OR4F15: variants seen among roughly 807,000 people sequenced by gnomAD.
OR4F15 encodes olfactory receptor 4F15.
A neutral mutation model predicts 11.9 loss-of-function variants in OR4F15; 7 were observed. That is an observed-to-expected ratio of 0.59 (90% CI 0.33 to 1.10). The LOEUF (loss-of-function observed/expected upper bound fraction) is 1.10, where lower values mean the gene tolerates loss of function less well. Ranked by LOEUF, OR4F15 falls within the 50% of genes least tolerant of loss-of-function variation. OR4F15 has a pLI of 0.03. For missense variants in OR4F15, 445 were observed against 377.5 expected (o/e 1.18, Z -1.48); for synonymous variants, 151 against 134.6 (o/e 1.12, Z -0.84).
At chr15:101,816,557 C>T (rs550956351) in intron 1 of OR4F15, among the ~76,000 whole-genome samples, 1 of 152,008 alleles carries the variant, frequency 6.6e-6, no homozygotes, top group East Asian at 1.9e-4. Flanking sequence ...CAATAGTAAA[C>T]TAATGTAACA....
At position 101,818,437 on chromosome 15, in the gene OR4F15, A is replaced by T; in HGVS notation, c.251A>T (p.Asp84Val). The change falls in exon 2 of 2, where the codon GAT becomes GTT. Residue 84 changes from aspartate (D) to valine (V), a missense_variant. Physicochemically the swap from Asp to Val is radical, Grantham distance 152. Coordinates refer to ENST00000332238, the MANE Select transcript of OR4F15 (RefSeq NM_001001674.2). ...ATTACAGCCCCTAAGATGATTTGTGATATTTTCAAGAAGCACAAGGCCATC... is the reference window on the plus strand; with the variant it reads ...ATTACAGCCCCTAAGATGATTTGTGTTATTTTCAAGAAGCACAAGGCCATC... ...CSITAPKMICDIFKKHKAISF... is the reference protein window; with the variant it reads ...CSITAPKMICVIFKKHKAISF... 6.2e-7 allele frequency: 1 copy of T among 1,614,098 alleles called. No individual in the cohort carries two copies. Among genetic ancestry groups the T allele is most frequent in the Non-Finnish European group, 8.5e-7 (1 of 1,179,996 alleles).
At chr15:101,818,047 T>C (rs1302985243) in intron 1 of OR4F15, 103 bp from the exon 2 acceptor site, 6 of 651,972 alleles carry the variant, frequency 9.2e-6, no homozygotes, top group Non-Finnish European at 1.6e-5. Flanking sequence ...TATTTGGCTG[T>C]GTAAGATGTT....
chr15:101,814,276 T>C (rs1370625633), intron 1 of OR4F15, among the ~76,000 whole-genome samples: 1 of 152,180 alleles, frequency 6.6e-6, no homozygotes, highest in African/African-American at 2.4e-5. Context: ...TATTACTCTG[T>C]CTCCTGAAGC....
chr15:101,818,982 C>G lies in OR4F15; in HGVS notation c.796C>G (p.His266Asp). The change falls in exon 2 of 2, where the codon CAC (histidine) becomes GAC (aspartate). Residue 266 changes from histidine (H) to aspartate (D), a missense_variant. Coordinates refer to ENST00000332238, the MANE Select transcript of OR4F15 (RefSeq NM_001001674.2). Reference sequence around the variant, plus strand: ...CTACACATGGCCTTCTCCCACATCACACCTGGATAAATATCTTGCTATTTT... The same window carrying G: ...CTACACATGGCCTTCTCCCACATCAGACCTGGATAAATATCTTGCTATTTT... Reference protein sequence around the residue: ...FFYTWPSPTSHLDKYLAIFDA... With the variant: ...FFYTWPSPTSDLDKYLAIFDA... 6.2e-7 allele frequency: 1 copy of G among 1,614,166 alleles called. No homozygotes were observed. The highest frequency in any genetic ancestry group is 1.6e-4 in the Middle Eastern group (1 of 6,062).
intron 1 of OR4F15, among the ~76,000 whole-genome samples, chr15:101,813,890 A>G (rs946401779): frequency 6.6e-6 from 1 of 152,172 alleles, no homozygotes. Flanking sequence ...AATTATTGAG[A>G]GCAATAGCCA....
Position 101,818,451 on chromosome 15 carries a change from C to A in OR4F15, c.265C>A (p.His89Asn). 6.2e-7 allele frequency: 1 copy of A among 1,614,084 alleles called. No individual in the cohort carries two copies. Among genetic ancestry groups the A allele is most frequent in the African/African-American group, 1.3e-5 (1 of 75,028 alleles). ...GATGATTTGTGATATTTTCAAGAAG[C>A]ACAAGGCCATCTCCTTTCGGGGATG... ...PKMICDIFKK[H>N]KAISFRGCIT... Residue 89 changes from histidine to asparagine, a missense_variant, in exon 2 of 2, where the codon CAC (histidine) becomes AAC (asparagine). Physicochemically the swap from His to Asn is moderately conservative, Grantham distance 68. Coordinates refer to ENST00000332238, the MANE Select transcript of OR4F15 (RefSeq NM_001001674.2).
Position 101,818,691 on chromosome 15 carries a change from T to A in OR4F15, c.505T>A (p.Cys169Ser), listed in dbSNP as rs1211818794. The A allele has an allele frequency of 1.9e-6, 3 of 1,614,078 alleles. No homozygotes were observed. Among genetic ancestry groups the A allele is most frequent in the East Asian group, 2.2e-5 (1 of 44,882 alleles). The change falls in exon 2 of 2, where the codon TGT becomes AGT. Residue 169 changes from cysteine (C) to serine (S), a missense_variant. By Grantham distance (112) the Cys-to-Ser change is moderately radical. Coordinates refer to ENST00000332238, the MANE Select transcript of OR4F15 (RefSeq NM_001001674.2). ...AGTTTTTGTGGTAGATTTACCTTTT[T>A]GTGGTCCTAATATCTTTGACAGTTT... ...QLVFVVDLPF[C>S]GPNIFDSFYC... is the part of the protein sequence containing the mutation.
chr15:101,816,282 T>C (rs1048636975), intron 1 of OR4F15, among the ~76,000 whole-genome samples: 4 of 152,134 alleles, frequency 2.6e-5, no homozygotes, highest in African/African-American at 7.2e-5. Context: ...GATGAACTTT[T>C]AAGAGGCAGA....
chr15:101,815,025 G>A (rs1384894773), intron 1 of OR4F15, among the ~76,000 whole-genome samples: 1 of 152,004 alleles, frequency 6.6e-6, no homozygotes, highest in East Asian at 1.9e-4. Flanking sequence ...TTGCTAGAAG[G>A]CTGTTTTTTC....
chr15:101,819,111 A>C lies in OR4F15; in HGVS notation c.925A>C (p.Thr309Pro). 1 of 1,601,768 alleles carries C rather than the reference A, an allele frequency of 6.2e-7. No homozygotes were observed. Among genetic ancestry groups the C allele is most frequent in the Non-Finnish European group, 8.5e-7 (1 of 1,172,152 alleles). Residue 309 changes from threonine to proline, a missense_variant, in exon 2 of 2, where the codon ACA (threonine) becomes CCA (proline). Thr to Pro is a conservative substitution (Grantham distance 38, BLOSUM62 -1). Coordinates refer to ENST00000332238, the MANE Select transcript of OR4F15 (RefSeq NM_001001674.2). ...ACTGTGCAGTCGTCTTGCGCATTTTACAAAGATTTTGTAAATGGCTTGGCT... is the reference window on the plus strand; with the variant it reads ...ACTGTGCAGTCGTCTTGCGCATTTTCCAAAGATTTTGTAAATGGCTTGGCT... ...RRLCSRLAHF[T>P]KIL
At position 101,818,880 on chromosome 15, in the gene OR4F15, G is replaced by A. The variant is rs934903320; in HGVS notation, c.694G>A (p.Gly232Ser). The change falls in exon 2 of 2, where the codon GGT (glycine) becomes AGT (serine). Residue 232 changes from glycine to serine, a missense_variant. Transcript: ENST00000332238. ...CACTGTTTGGAAACATTCTTCTGGT[G>A]GTCTAGCCAAGGCCCTCTCTACCCT... ...LFTVWKHSSGGLAKALSTLSA... is the reference protein window; with the variant it reads ...LFTVWKHSSGSLAKALSTLSA... The A allele has an allele frequency of 6.2e-7, 1 of 1,613,822 alleles. No homozygotes were observed.
rs1398448245 is a variant in OR4F15 at position 101,819,059 on chromosome 15, C to G, written c.873C>G (p.Asn291Lys). The G allele has an allele frequency of 6.2e-7, 1 of 1,613,888 alleles. No homozygotes were observed. ...FLNPVIYTFR[N>K]KDMKVAMRRL... ...ATCCAGTTATCTACACATTCAGGAA[C>G]AAAGACATGAAAGTGGCAATGAGGA... is the stretch of plus-strand genomic sequence containing the variant. The change falls in exon 2 of 2, where the codon AAC becomes AAG. Residue 291 changes from asparagine (N) to lysine (K), a missense_variant. By Grantham distance (94) the Asn-to-Lys change is moderately conservative (BLOSUM62 0). Coordinates refer to ENST00000332238, the MANE Select transcript of OR4F15 (RefSeq NM_001001674.2).
At chr15:101,812,487 A>C (rs1254815659) in intron 1 of OR4F15, among the ~76,000 whole-genome samples, 3 of 152,202 alleles carry the variant, frequency 2.0e-5, no homozygotes, top group Non-Finnish European at 4.4e-5. Context: ...TCAGGGCAGG[A>C]CTAGGATGCA....
At chr15:101,813,406 G>A (rs942335760) in intron 1 of OR4F15, among the ~76,000 whole-genome samples, 3 of 151,790 alleles carry the variant, frequency 2.0e-5, no homozygotes, top group Admixed American at 2.0e-4. Context: ...CTACTCGGGA[G>A]GCTGAGGCTA....
intron 1 of OR4F15, among the ~76,000 whole-genome samples, chr15:101,816,068 C>T (rs967672954): frequency 5.3e-5 from 8 of 152,114 alleles, no homozygotes; most frequent in Non-Finnish European, 1.0e-4. Context: ...AACACCTGTT[C>T]ACAGTAAGAA....
chr15:101,817,180 AG>A (rs1326005292), intron 1 of OR4F15, among the ~76,000 whole-genome samples: 3 of 152,210 alleles, frequency 2.0e-5, no homozygotes, highest in Non-Finnish European at 4.4e-5. Context: ...ATGAATAATA[AG>A]ACCCCATATT....
chr15:101,818,711 C>A lies in OR4F15; in HGVS notation c.525C>A (p.Asp175Glu), dbSNP rs899147476. 1.2e-6 allele frequency: 2 copies of A among 1,614,034 alleles called. No homozygotes were observed. The highest frequency in any genetic ancestry group is 1.7e-6 in the Non-Finnish European group (2 of 1,180,016). The change falls in exon 2 of 2, where the codon GAC becomes GAA. Residue 175 changes from aspartate to glutamate, a missense_variant. Transcript: ENST00000332238. ...CTTTTTGTGGTCCTAATATCTTTGACAGTTTTTACTGTGATCTCCCTCGGC... is the reference window on the plus strand; with the variant it reads ...CTTTTTGTGGTCCTAATATCTTTGAAAGTTTTTACTGTGATCTCCCTCGGC... ...DLPFCGPNIF[D>E]SFYCDLPRLL... is the part of the protein sequence containing the mutation.
intron 1 of OR4F15, 68 bp from the exon 2 acceptor site, chr15:101,818,082 G>T: frequency 1.3e-6 from 1 of 766,996 alleles, no homozygotes; most frequent in Non-Finnish European, 2.2e-6. Context: ...TTTCATGGCT[G>T]GAGGCTTTCT....
Position 101,819,418 on chromosome 15 carries a change from T to G in OR4F15, c.*293T>G, listed in dbSNP as rs1156801838. 1.1e-5 allele frequency: 3 copies of G among 277,904 alleles called. No homozygotes were observed. The highest frequency in any genetic ancestry group is 2.0e-5 in the Non-Finnish European group (3 of 149,036). 17.2% of individuals were successfully genotyped at this position (277,904 alleles called of 1,614,324 possible). A position where few individuals can be genotyped will look rare whatever the true frequency, so the allele number is the denominator to read the frequency against. On this transcript the variant is annotated 3_prime_UTR_variant, in exon 2 of 2. Transcript: ENST00000332238. ...ACAAATAACAATACTATGTCTTTTA[T>G]TTTTTCTACTGGACAGATTATTCTA... is the stretch of plus-strand genomic sequence containing the variant.
Sources: allele counts gnomAD v4.1 joint callset (sites outside exome capture counted in the v4.1 genomes callset), GRCh38; gene constraint gnomAD v4.1.1; transcripts MANE v1.5; gene names NCBI Gene and HGNC (gene_info 2026-07-23, HGNC 2026-07-21).